The following COP1 variants were observed in gnomAD, a reference collection of about 807,000 sequenced individuals.
The protein encoded by COP1 is E3 ubiquitin-protein ligase COP1.
COP1 carries 24 observed loss-of-function variants against 101.3 expected under a neutral mutation model. That is an observed-to-expected ratio of 0.24 (90% CI 0.17 to 0.33). The LOEUF (loss-of-function observed/expected upper bound fraction) is 0.33, where lower values mean the gene tolerates loss of function less well. Ranked by LOEUF, COP1 falls within the 10% of genes least tolerant of loss-of-function variation. The pLI, the probability that COP1 is intolerant of heterozygous loss-of-function variation, is 1.00. For missense variants in COP1, 663 were observed against 906.2 expected (o/e 0.73, Z 3.45); for synonymous variants, 347 against 341.9 (o/e 1.01, Z -0.17).
At chr1:176,133,172 A>T (rs1319000935) in intron 8 of COP1, among the ~76,000 whole-genome samples, 1 of 129,990 alleles carries the variant, frequency 7.7e-6, no homozygotes, top group Non-Finnish European at 1.8e-5. Context: ...ACGTATGTAC[A>T]CACATACGTA....
In COP1 at chr1:176,130,536, T is replaced by G. The variant is rs542801934; in HGVS notation, c.968+4474A>C. 2.6e-5 allele frequency among the ~76,000 whole-genome samples: 4 copies of G among 151,912 alleles called. No individual in the cohort carries two copies. The Middle Eastern group carries it at 0.01, about 388-fold the overall frequency. The stretch of plus-strand genomic sequence containing the variant: ...GGAAAGTCTGAAATGGATGAAAGCT[T>G]AAAAGGTTAAAAAATTCAACTGATA... On this transcript the variant is annotated intron_variant, in intron 8 of 19. Coordinates refer to ENST00000367669, the MANE Select transcript of COP1 (RefSeq NM_022457.7).
At chr1:176,117,445 C>T (rs942248636) in intron 8 of COP1, among the ~76,000 whole-genome samples, 2 of 152,142 alleles carry the variant, frequency 1.3e-5, no homozygotes, top group Non-Finnish European at 2.9e-5. Flanking sequence ...TCTATCTTAG[C>T]ATTTCTATCT....
At position 176,207,020 on chromosome 1, in the gene COP1, A is replaced by G; in HGVS notation, c.-42T>C. On this transcript the variant is annotated 5_prime_UTR_variant, in exon 1 of 20. Coordinates refer to ENST00000367669, the MANE Select transcript of COP1 (RefSeq NM_022457.7). ...CCAGCCGGGCGCTCGGAGGAGAGGG[A>G]CCGCGACCTCGACCCTCCGCCGCCT... 7.4e-7 allele frequency: 1 copy of G among 1,352,090 alleles called. No homozygotes were observed. The highest frequency in any genetic ancestry group is 1.7e-5 in the South Asian group (1 of 59,336). The allele number at this position is 1,352,090 out of a possible 1,614,324, so 83.8% of individuals were successfully genotyped here. A position where few individuals can be genotyped will look rare whatever the true frequency, so the allele number is the denominator to read the frequency against.
intron 5 of COP1, among the ~76,000 whole-genome samples, chr1:176,161,312 G>T (rs954364406): frequency 6.6e-6 from 1 of 152,128 alleles, no homozygotes; most frequent in East Asian, 1.9e-4. Context: ...TTTTAGGGCC[G>T]GAAGCAGTGG....
At chr1:176,016,452 G>A (rs1665667128) in intron 15 of COP1, among the ~76,000 whole-genome samples, 1 of 152,180 alleles carries the variant, frequency 6.6e-6, no homozygotes, top group African/African-American at 2.4e-5. Context: ...GTGACATGAG[G>A]CTGCTACTGA....
intron 15 of COP1, among the ~76,000 whole-genome samples, chr1:176,008,648 G>A (rs1329601134): frequency 6.6e-6 from 1 of 151,516 alleles, no homozygotes; most frequent in East Asian, 1.9e-4. Flanking sequence ...TTTTTTTACT[G>A]AAAAGCAGAC....
intron 15 of COP1, among the ~76,000 whole-genome samples, chr1:176,008,367 C>G (rs7414774): frequency 6.6e-6 from 1 of 152,188 alleles, no homozygotes; most frequent in Non-Finnish European, 1.5e-5. Flanking sequence ...TTTGCTCCTC[C>G]TGATTCTTTC....
intron 1 of COP1, among the ~76,000 whole-genome samples, chr1:176,187,976 T>C (rs1025755470): frequency 6.6e-6 from 1 of 152,002 alleles, no homozygotes; most frequent in Non-Finnish European, 1.5e-5. Context: ...TTAGTGCCCT[T>C]ACAAAAGAGG....
At chr1:175,963,067 C>T (rs925399282) in intron 18 of COP1, among the ~76,000 whole-genome samples, 5 of 151,180 alleles carry the variant, frequency 3.3e-5, no homozygotes, top group Non-Finnish European at 1.5e-5. Context: ...CAGAAGGAAA[C>T]TGAACACAGA....
rs1434708252 is a variant in COP1 at position 176,075,246 on chromosome 1, T to C, written c.1277+5906A>G. On this transcript the variant is annotated intron_variant, in intron 11 of 19. Transcript: ENST00000367669. ...CAACATACAGAAAAATAAAGGAATG[T>C]ATGATTTTTGTCTTACTCATTACTG... 1.3e-5 allele frequency among the ~76,000 whole-genome samples: 2 copies of C among 151,460 alleles called. 1 individual carries two copies.
chr1:175,973,396 A>G (rs1653755321), intron 18 of COP1, among the ~76,000 whole-genome samples: 1 of 152,208 alleles, frequency 6.6e-6, no homozygotes, highest in African/African-American at 2.4e-5. Context: ...CGTATTTTTA[A>G]ACCAGCCCAT....
intron 6 of COP1, among the ~76,000 whole-genome samples, chr1:176,145,105 A>T (rs1691363244): frequency 6.6e-6 from 1 of 152,182 alleles, no homozygotes; most frequent in African/African-American, 2.4e-5. Context: ...TATTTGTGAT[A>T]GATAGATCTG....
intron 15 of COP1, among the ~76,000 whole-genome samples, chr1:176,021,024 A>G (rs567635326): frequency 6.6e-6 from 1 of 152,224 alleles, no homozygotes; most frequent in Admixed American, 6.5e-5. Context: ...CCCAGGATGG[A>G]CTGCAGTGGC....
intron 9 of COP1, among the ~76,000 whole-genome samples, 180 bp downstream of exon 9, chr1:176,116,444 A>C (rs1022622481): frequency 2.0e-5 from 3 of 152,250 alleles, no homozygotes; most frequent in Non-Finnish European, 4.4e-5. Flanking sequence ...ATCATTGAAA[A>C]AGCAAATATT....
intron 11 of COP1, among the ~76,000 whole-genome samples, chr1:176,062,303 A>G (rs932835639): frequency 2.6e-5 from 4 of 152,186 alleles, no homozygotes; most frequent in African/African-American, 9.6e-5. Context: ...AGCCCGGCCA[A>G]GAAAGACCTG....
At chr1:176,096,762 A>T (rs139930978) in intron 9 of COP1, among the ~76,000 whole-genome samples, 1 of 152,208 alleles carries the variant, frequency 6.6e-6, no homozygotes, top group African/African-American at 2.4e-5. Context: ...ATGAAAAAGG[A>T]TTTATATTGG....
At chr1:176,045,523 T>G (rs4129061) in intron 12 of COP1, among the ~76,000 whole-genome samples, 1 of 150,386 alleles carries the variant, frequency 6.6e-6, no homozygotes, top group Admixed American at 6.6e-5. Context: ...GATTTCCTCA[T>G]ATAATTCTCT....
chr1:176,044,293 T>TAG, intron 12 of COP1, among the ~76,000 whole-genome samples: 1 of 152,348 alleles, frequency 6.6e-6, no homozygotes, highest in African/African-American at 2.4e-5. Context: ...AATTATAACT[T>TAG]ATGACTAAAA....
At chr1:176,011,811 T>C (rs1664725786) in intron 15 of COP1, among the ~76,000 whole-genome samples, 1 of 152,246 alleles carries the variant, frequency 6.6e-6, no homozygotes, top group Non-Finnish European at 1.5e-5. Context: ...ACTTTGTGCC[T>C]ATTAGTAACT....
Sources: allele counts gnomAD v4.1 joint callset (sites outside exome capture counted in the v4.1 genomes callset), GRCh38; gene constraint gnomAD v4.1.1; transcripts MANE v1.5; gene names NCBI Gene and HGNC (gene_info 2026-07-23, HGNC 2026-07-21).